The following LRRC69 variants were observed in gnomAD, a reference collection of about 807,000 sequenced individuals.
LRRC69 encodes the protein leucine rich repeat containing 69.
Under a neutral mutation model 37.8 loss-of-function variants are expected in LRRC69, and 42 were observed. The ratio of observed to expected loss-of-function variants is 1.11; its 90% confidence interval spans 0.87 to 1.44. The LOEUF (loss-of-function observed/expected upper bound fraction) is 1.44. Ranked by LOEUF, LRRC69 falls within the 40% of genes most tolerant of loss-of-function variation. The probability of loss-of-function intolerance (pLI) is 0.00; values close to 1 mark genes in which losing one functional copy is unlikely to be tolerated. For missense variants in LRRC69, 357 were observed against 401.9 expected (o/e 0.89, Z 0.96); for synonymous variants, 141 against 143.1 (o/e 0.99, Z 0.11).
intron 5 of LRRC69, chr8:91,158,268 T>A (rs1238438225): frequency 6.5e-7 from 1 of 1,541,598 alleles, no homozygotes; most frequent in Non-Finnish European, 9.0e-7. Context: ...CCCCTGATTG[T>A]TTGTCGAAGA....
intron 7 of LRRC69, among the ~76,000 whole-genome samples, chr8:91,202,964 A>C (rs1809735976): frequency 6.6e-6 from 1 of 152,170 alleles, no homozygotes; most frequent in Non-Finnish European, 1.5e-5. Flanking sequence ...AAGAAGTGAT[A>C]AGACTTAGAT....
intron 5 of LRRC69, among the ~76,000 whole-genome samples, chr8:91,153,001 AC>A (rs1808768249): frequency 1.3e-5 from 2 of 151,514 alleles, no homozygotes; most frequent in Admixed American, 1.3e-4. Flanking sequence ...GCCAAGATAC[AC>A]ATAGGCTCAA....
chr8:91,213,572 T>A lies in LRRC69; in HGVS notation c.934-5318T>A, dbSNP rs188767012. 3.0e-3 allele frequency among the ~76,000 whole-genome samples: 451 copies of A among 152,270 alleles called. 1 individual carries two copies. Among genetic ancestry groups the A allele is most frequent in the African/African-American group, 0.01 (425 of 41,536 alleles). The stretch of plus-strand genomic sequence containing the variant: ...AGTAGGAGACCTAGTCTGTTCCAAA[T>A]GGTTTAAAATTTGAGTTTAAATGCT... On this transcript the variant is annotated intron_variant, in intron 7 of 7. Coordinates refer to ENST00000448384, the Ensembl canonical transcript of LRRC69.
intron 1 of LRRC69, among the ~76,000 whole-genome samples, chr8:91,105,981 G>A (rs558818106): frequency 6.6e-5 from 10 of 152,014 alleles, no homozygotes; most frequent in Non-Finnish European, 1.5e-4. Flanking sequence ...AAAATAGGGC[G>A]TGAGGCGGTG....
chr8:91,172,341 A>G (rs1292708718), intron 5 of LRRC69, among the ~76,000 whole-genome samples: 1 of 152,024 alleles, frequency 6.6e-6, no homozygotes, highest in Non-Finnish European at 1.5e-5. Flanking sequence ...TTGTTAAATT[A>G]TGCTTCAGGA....
At chr8:91,194,396 T>A (rs1809556925) in intron 6 of LRRC69, among the ~76,000 whole-genome samples, 1 of 151,822 alleles carries the variant, frequency 6.6e-6, no homozygotes. Context: ...ATTGTTTTAT[T>A]GATTGGAATA....
chr8:91,155,831 CTAAA>C (rs1286945365), intron 5 of LRRC69, among the ~76,000 whole-genome samples: 2 of 149,456 alleles, frequency 1.3e-5, no homozygotes, highest in Non-Finnish European at 3.0e-5. Context: ...CTTTTTATGA[CTAAA>C]TAATATTCTT....
intron 6 of LRRC69, among the ~76,000 whole-genome samples, chr8:91,193,437 G>A (rs1469392250): frequency 7.2e-6 from 1 of 139,808 alleles, no homozygotes; most frequent in Non-Finnish European, 1.5e-5. Flanking sequence ...ATTACCTTGG[G>A]TAGTATGGCC....
chr8:91,172,959 T>C (rs547646005), intron 5 of LRRC69, among the ~76,000 whole-genome samples: 372 of 152,172 alleles, frequency 2.4e-3, no homozygotes, highest in African/African-American at 8.5e-3. Context: ...CAGTTCACTT[T>C]ACAGAGAGGA....
chr8:91,155,089 C>G (rs557455525), intron 5 of LRRC69, among the ~76,000 whole-genome samples: 4 of 151,414 alleles, frequency 2.6e-5, no homozygotes, highest in African/African-American at 7.2e-5. Flanking sequence ...AGGAGACAAG[C>G]AGAGAGCCAA....
At chr8:91,130,188 GTGTC>G (rs1264280044) in intron 3 of LRRC69, 2 of 151,848 alleles carry the variant, frequency 1.3e-5, no homozygotes, top group African/African-American at 4.8e-5. Flanking sequence ...ATACATTTTT[GTGTC>G]TGTCTTCTTT....
chr8:91,120,912 T>G (rs1014005174), intron 1 of LRRC69, among the ~76,000 whole-genome samples: 2 of 151,974 alleles, frequency 1.3e-5, no homozygotes, highest in Admixed American at 1.3e-4. Context: ...CATTTACAGC[T>G]CCTACTTGAC....
At chr8:91,161,027 C>T (rs1253470723) in intron 5 of LRRC69, among the ~76,000 whole-genome samples, 5 of 151,134 alleles carry the variant, frequency 3.3e-5, no homozygotes, top group Middle Eastern at 3.4e-3. Flanking sequence ...TTATCAAATC[C>T]GTTTTCTGCC....
At chr8:91,154,145 C>T (rs1427324482) in intron 5 of LRRC69, among the ~76,000 whole-genome samples, 1 of 151,672 alleles carries the variant, frequency 6.6e-6, no homozygotes, top group Non-Finnish European at 1.5e-5. Flanking sequence ...GACACATACA[C>T]CCTCCCAAGA....
intron 1 of LRRC69, 78 bp downstream of exon 1, chr8:91,102,922 A>C: frequency 7.5e-7 from 1 of 1,331,076 alleles, no homozygotes; most frequent in Middle Eastern, 1.9e-4. Flanking sequence ...GGTAAGAGAC[A>C]GAACAATAAC....
chr8:91,203,385 C>T (rs1199482043), intron 7 of LRRC69, among the ~76,000 whole-genome samples: 1 of 151,550 alleles, frequency 6.6e-6, no homozygotes. Context: ...TATGCTTATA[C>T]CTATCTTTTT....
chr8:91,143,163 A>AT (rs1426309149), intron 5 of LRRC69, among the ~76,000 whole-genome samples: 2 of 152,058 alleles, frequency 1.3e-5, no homozygotes, highest in African/African-American at 4.8e-5. Context: ...AATTGGAGAG[A>AT]TTTTTTAGCA....
intron 1 of LRRC69, among the ~76,000 whole-genome samples, chr8:91,120,163 T>G (rs1412068111): frequency 6.6e-6 from 1 of 152,150 alleles, no homozygotes; most frequent in East Asian, 1.9e-4. Context: ...CAATTAGACT[T>G]TCTTCCCCAA....
intron 5 of LRRC69, among the ~76,000 whole-genome samples, chr8:91,172,592 C>G (rs976691694): frequency 6.6e-6 from 1 of 151,806 alleles, no homozygotes; most frequent in African/African-American, 2.4e-5. Context: ...CTCAGCTCAC[C>G]GCAACCTCCA....
Sources: gnomAD v4.1 joint callset for allele counts (sites outside exome capture counted in the v4.1 genomes callset) on GRCh38, gnomAD v4.1.1 for gene constraint, MANE v1.5 for transcripts, NCBI Gene and HGNC (gene_info 2026-07-23, HGNC 2026-07-21) for gene names.